The following SUGT1 variants were observed in gnomAD, a reference collection of about 807,000 sequenced individuals.
SUGT1 encodes protein SGT1 homolog.
In SUGT1, 15 loss-of-function variants were observed where a neutral mutation model predicts 56.1. The observed-to-expected ratio is 0.27, with a 90% CI of 0.18 to 0.41. The LOEUF is 0.41. Among genes scored for constraint, SUGT1 ranks in the 10% least tolerant of loss-of-function variants. SUGT1 has a pLI of 1.00. For synonymous variants in SUGT1, 123 were observed against 128.6 expected, an observed-to-expected ratio of 0.96 and a Z score of 0.30; for missense variants, 347 against 382.2, an observed-to-expected ratio of 0.91 and a Z score of 0.77.
Position 52,695,270 on chromosome 13 carries a change from T to C in SUGT1, c.*7435T>C, listed in dbSNP as rs753254016. On this transcript the variant is annotated 3_prime_UTR_variant, in exon 13 of 13. Transcript: ENST00000310528. Reference sequence around the variant, plus strand: ...GAAATTGAGTGCATTTCCTTTATTATTGTTATTATTTTGCTATTTCAAAAC... The same window carrying C: ...GAAATTGAGTGCATTTCCTTTATTACTGTTATTATTTTGCTATTTCAAAAC... The C allele has an allele frequency of 2.6e-5, 4 of 152,052 alleles. No individual in the cohort carries two copies. The highest frequency in any genetic ancestry group is 5.9e-5 in the Non-Finnish European group (4 of 68,040). The allele number at this position is 152,052 out of a possible 1,614,324, so 9.4% of individuals were successfully genotyped here.
rs189190702 is a variant in SUGT1 at position 52,659,270 on chromosome 13, T to G, written c.328+21T>G. On this transcript the variant is annotated intron_variant, in intron 5 of 12. Transcript: ENST00000310528. ...AGATAGTAAGTATTAAAAATTATAC[T>G]TTAATAAACTTATCTATTTCTGTCT... The G allele has an allele frequency of 1.7e-4, 230 of 1,355,428 alleles. 1 individual carries two copies. The highest frequency in any genetic ancestry group is 2.5e-4 in the Middle Eastern group (1 of 3,942). 84.0% of individuals were successfully genotyped at this position (1,355,428 alleles called of 1,614,324 possible). A position where few individuals can be genotyped will look rare whatever the true frequency, so the allele number is the denominator to read the frequency against.
chr13:52,667,006 T>G (rs554472535), intron 10 of SUGT1, 87 bp downstream of exon 10: 28 of 894,418 alleles, frequency 3.1e-5, no homozygotes, highest in Non-Finnish European at 4.7e-5. Flanking sequence ...TTTATAAGCT[T>G]GTAGATTCTT....
chr13:52,659,814 A>ATATAT lies in SUGT1; in HGVS notation c.328+566_328+567insATATT, dbSNP rs1555271105. 2.0e-4 allele frequency among the ~76,000 whole-genome samples: 12 copies of ATATAT among 58,728 alleles called. 1 individual carries two copies. The highest frequency in any genetic ancestry group is 8.9e-4 in the African/African-American group (12 of 13,516). 38.5% of individuals were successfully genotyped at this position (58,728 alleles called of 152,430 possible). A position where few individuals can be genotyped will look rare whatever the true frequency, so the allele number is the denominator to read the frequency against. ...AATATATATATATATATATATATAT[A>ATATAT]TTTTTTTTTTTTTTTTTTTTTTTTT... On this transcript the variant is annotated intron_variant, in intron 5 of 12. Coordinates refer to ENST00000310528, the MANE Select transcript of SUGT1 (RefSeq NM_006704.5).
Position 52,652,897 on chromosome 13 carries a change from C to T in SUGT1, c.-24C>T, listed in dbSNP as rs1404401043. 3.7e-6 allele frequency: 6 copies of T among 1,611,314 alleles called. No homozygotes were observed. In the African/African-American group the frequency reaches 4.0e-5, roughly 11 times the overall value. On this transcript the variant is annotated 5_prime_UTR_variant, in exon 1 of 13. Coordinates refer to ENST00000310528, the MANE Select transcript of SUGT1 (RefSeq NM_006704.5). ...GTAACCGTGATAGTAGCAGCTCCGG[C>T]GGCAGCAACAGCGACTACGAGGGAT...
intron 10 of SUGT1, among the ~76,000 whole-genome samples, chr13:52,674,053 C>CCTT (rs1555273041): frequency 3.7e-5 from 4 of 107,962 alleles, no homozygotes; most frequent in African/African-American, 1.5e-4. Flanking sequence ...AGATAGTATA[C>CCTT]TTTTTTTTTT....
In SUGT1 at chr13:52,691,858, C is replaced by G. The variant is rs1214984220; in HGVS notation, c.*4023C>G. 1 of 152,166 alleles carries G rather than the reference C, an allele frequency of 6.6e-6. No homozygotes were observed. The allele number at this position is 152,166 out of a possible 1,614,324, so 9.4% of individuals were successfully genotyped here. On this transcript the variant is annotated 3_prime_UTR_variant, in exon 13 of 13. Coordinates refer to ENST00000310528, the MANE Select transcript of SUGT1 (RefSeq NM_006704.5). ...ATCTCTTTTGATGTGGTTTCCCTTTCTCCATCTGTGCATTTTTTAAATCGT... is the reference window on the plus strand; with the variant it reads ...ATCTCTTTTGATGTGGTTTCCCTTTGTCCATCTGTGCATTTTTTAAATCGT...
In SUGT1 at chr13:52,652,958, G is replaced by A. The variant is rs1961974970; in HGVS notation, c.38G>A (p.Arg13Lys). The change falls in exon 1 of 13, where the codon AGG (arginine) becomes AAG (lysine). Residue 13 changes from arginine to lysine, a missense_variant and splice_region_variant. By Grantham distance (26) the Arg-to-Lys change is conservative (BLOSUM62 2). Transcript: ENST00000310528. ...GCAGCAGGAACTGCAACATCCCAGA[G>A]GTGCATGTTTTTCTTTCCCTTTGGT... ...AAAAGTATSQ[R>K]FFQSFSDALI... The A allele has an allele frequency of 6.2e-7, 1 of 1,614,074 alleles. No individual in the cohort carries two copies. Among genetic ancestry groups the A allele is most frequent in the Admixed American group, 1.7e-5 (1 of 60,008 alleles).
intron 12 of SUGT1, among the ~76,000 whole-genome samples, chr13:52,682,521 G>T (rs1281155279): frequency 1.3e-5 from 2 of 152,230 alleles, no homozygotes; most frequent in African/African-American, 4.8e-5. Flanking sequence ...ATTTAAGTCT[G>T]TGATGCATTT....
intron 4 of SUGT1, 23 bp downstream of exon 4, chr13:52,658,491 G>A: frequency 1.2e-6 from 2 of 1,600,274 alleles, no homozygotes; most frequent in Non-Finnish European, 1.7e-6. Context: ...TACTCTTCTT[G>A]TTGAGCTTGG....
At chr13:52,686,063 G>T (rs145285937) in intron 12 of SUGT1, among the ~76,000 whole-genome samples, 13 of 152,266 alleles carry the variant, frequency 8.5e-5, no homozygotes, top group African/African-American at 2.9e-4. Flanking sequence ...GAGTAGCTGG[G>T]ACTACGGGCG....
chr13:52,679,570 C>G (rs921062741), intron 11 of SUGT1, among the ~76,000 whole-genome samples: 17 of 67,712 alleles, frequency 2.5e-4, no homozygotes, highest in Non-Finnish European at 5.0e-4. Flanking sequence ...CAAAAGATTT[C>G]TTAGGCATCC....
intron 2 of SUGT1, among the ~76,000 whole-genome samples, chr13:52,654,316 C>G (rs79027742): frequency 0.012 from 1,856 of 152,302 alleles, 46 homozygotes; most frequent in African/African-American, 0.043. Flanking sequence ...ACAGCTATGA[C>G]TTTTAATTTA....
Position 52,657,512 on chromosome 13 carries a change from C to T in SUGT1, c.97-20C>T, listed in dbSNP as rs770702444. The T allele has an allele frequency of 5.4e-5, 87 of 1,607,632 alleles. No homozygotes were observed. The highest frequency in any genetic ancestry group is 4.4e-5 in the South Asian group (4 of 90,248). On this transcript the variant is annotated intron_variant, in intron 2 of 12. Transcript: ENST00000310528. ...CTTCTTACAAACTTTTACTGACGCT[C>T]CACATGTTTGTTTTTGTAGGAGCTG...
rs1311950467 is a variant in SUGT1 at position 52,688,999 on chromosome 13, T to TCTC, written c.*1164_*1165insCTC. ...TTTCTCAACTGTAATACCCCAGATG[T>TCTC]TGGTCTCAGCTCTGTTAGGTGTCAC... On this transcript the variant is annotated 3_prime_UTR_variant, in exon 13 of 13. Coordinates refer to ENST00000310528, the MANE Select transcript of SUGT1 (RefSeq NM_006704.5). 1.3e-5 allele frequency: 2 copies of TCTC among 152,316 alleles called. No individual in the cohort carries two copies. The highest frequency in any genetic ancestry group is 3.9e-4 in the East Asian group (2 of 5,184). The allele number at this position is 152,316 out of a possible 1,614,324, so 9.4% of individuals were successfully genotyped here.
chr13:52,660,339 A>G (rs1212193672), intron 5 of SUGT1, among the ~76,000 whole-genome samples: 3 of 152,272 alleles, frequency 2.0e-5, no homozygotes, highest in Non-Finnish European at 2.9e-5. Flanking sequence ...TTTGATAATC[A>G]TGAATGGTGG....
At position 52,697,199 on chromosome 13, in the gene SUGT1, C is replaced by G. The variant is rs1963965407; in HGVS notation, c.*9364C>G. On this transcript the variant is annotated 3_prime_UTR_variant, in exon 13 of 13. Transcript: ENST00000310528. ...TAAATTTTGTGTAGAGATGGGGTCTCCCTGCATTGCCCAGGTTGGTCTCTC... is the reference window on the plus strand; with the variant it reads ...TAAATTTTGTGTAGAGATGGGGTCTGCCTGCATTGCCCAGGTTGGTCTCTC... The G allele has an allele frequency of 1.3e-5, 2 of 152,146 alleles. No individual in the cohort carries two copies. Among genetic ancestry groups the G allele is most frequent in the Admixed American group, 1.3e-4 (2 of 15,260 alleles). 9.4% of individuals were successfully genotyped at this position (152,146 alleles called of 1,614,324 possible).
chr13:52,663,669 A>G (rs1962559500), intron 7 of SUGT1, among the ~76,000 whole-genome samples: 2 of 152,204 alleles, frequency 1.3e-5, no homozygotes, highest in African/African-American at 4.8e-5. Flanking sequence ...TTTTAAAACA[A>G]TGTTATTTTA....
chr13:52,686,612 C>T (rs568359366), intron 12 of SUGT1, among the ~76,000 whole-genome samples: 39 of 152,232 alleles, frequency 2.6e-4, no homozygotes, highest in Admixed American at 8.5e-4. Flanking sequence ...CTCGGTAGAG[C>T]GTGTCGGACA....
chr13:52,657,853 T>A (rs1299586919), intron 3 of SUGT1, among the ~76,000 whole-genome samples: 1 of 152,220 alleles, frequency 6.6e-6, no homozygotes, highest in Non-Finnish European at 1.5e-5. Context: ...TTATTGGGTA[T>A]GCTGATAAAA....
Sources: allele counts gnomAD v4.1 joint callset (sites outside exome capture counted in the v4.1 genomes callset), GRCh38; gene constraint gnomAD v4.1.1; transcripts MANE v1.5; gene names NCBI Gene and HGNC (gene_info 2026-07-23, HGNC 2026-07-21).